The following NBEAL2 variants were observed in gnomAD, a reference collection of about 807,000 sequenced individuals.
NBEAL2 encodes the protein neurobeachin like 2, also known as neurobeachin-like protein 2.
Under a neutral mutation model 299.8 loss-of-function variants are expected in NBEAL2, and 160 were observed. The ratio of observed to expected loss-of-function variants is 0.53; its 90% CI spans 0.47 to 0.61. The LOEUF (loss-of-function observed/expected upper bound fraction) is 0.61. NBEAL2 is among the 20% of genes least tolerant of loss of function. The pLI is 0.00. For synonymous variants in NBEAL2, 1,493 were observed against 1,542.3 expected, an observed-to-expected ratio of 0.97 and a Z score of 0.75; for missense variants, 3,112 against 3,649.0, an observed-to-expected ratio of 0.85 and a Z score of 3.79.
Position 47,004,044 on chromosome 3 carries a change from AGT to A in NBEAL2, c.5882-31_5882-30del. The A allele has an allele frequency of 6.2e-7, 1 of 1,605,546 alleles. No individual in the cohort carries two copies. Among genetic ancestry groups the A allele is most frequent in the Middle Eastern group, 1.7e-4 (1 of 6,026 alleles). Reference sequence around the variant, plus strand: ...CTGAGCTCTGGGTGGGGCTGGGGTGAGTGACTCCCGTACCTGCTGTTCCTCCC... The same window carrying A: ...CTGAGCTCTGGGTGGGGCTGGGGTGAGACTCCCGTACCTGCTGTTCCTCCC... On this transcript the variant is annotated intron_variant, in intron 36 of 53. Transcript: ENST00000450053. This position sits in a 1 kb window ranked among gnomAD's most constrained non-coding sequence, Gnocchi z 5.0.
Position 47,000,398 on chromosome 3 carries a change from C to G in NBEAL2, c.4299C>G (p.Asn1433Lys). Residue 1433 changes from asparagine (N) to lysine (K), a missense_variant, in exon 27 of 54, where the codon AAC (asparagine) becomes AAG (lysine). By Grantham distance (94) the Asn-to-Lys change is moderately conservative. This residue lies in a region of NBEAL2 where 2,243 missense variants were observed against 2,538.1 expected (regional missense o/e 0.88). Coordinates refer to ENST00000450053, the MANE Select transcript of NBEAL2 (RefSeq NM_015175.3). The surrounding 1 kb of genome is among the most constrained non-coding windows in gnomAD (Gnocchi z 4.5). ...ISGDDTSNTSNPQQTSEEELC... is the reference protein window; with the variant it reads ...ISGDDTSNTSKPQQTSEEELC... ...GGGATGATACCTCGAACACCAGCAA[C>G]CCACAGGTGAGGTGGGCCCACCCTC... 6.4e-7 allele frequency: 1 copy of G among 1,569,136 alleles called. No homozygotes were observed. Among genetic ancestry groups the G allele is most frequent in the Non-Finnish European group, 8.7e-7 (1 of 1,154,644 alleles).
In NBEAL2 at chr3:47,005,331, A is replaced by T. The variant is rs764275015; in HGVS notation, c.6560+10A>T. On this transcript the variant is annotated intron_variant, in intron 40 of 53. Coordinates refer to ENST00000450053, the MANE Select transcript of NBEAL2 (RefSeq NM_015175.3). ...AGCTGCAAAGTGGCCGGTGCGGCCC[A>T]GGGGCTGGTGGGCAGACTAGGGGGC... 4.4e-6 allele frequency: 7 copies of T among 1,608,822 alleles called. No individual in the cohort carries two copies. The highest frequency in any genetic ancestry group is 5.1e-6 in the Non-Finnish European group (6 of 1,178,050).
At chr3:46,999,531 C>A in intron 25 of NBEAL2, 57 bp downstream of exon 25, 2 of 1,585,024 alleles carry the variant, frequency 1.3e-6, no homozygotes, top group Non-Finnish European at 1.7e-6. Context: ...ACAGGGCAGG[C>A]AGGCCGGAAG....
At position 46,979,838 on chromosome 3, in the gene NBEAL2, G is replaced by C; in HGVS notation, c.-24G>C. ...AGGAGGCGGCGACAGGTGGCGCGCA[G>C]CAGGGCCGGAGCCGGGCCGGGCCAT... is the stretch of plus-strand genomic sequence containing the variant. On this transcript the variant is annotated 5_prime_UTR_variant, in exon 1 of 54. Coordinates refer to ENST00000450053, the MANE Select transcript of NBEAL2 (RefSeq NM_015175.3). The C allele has an allele frequency of 2.3e-6, 1 of 428,126 alleles. No individual in the cohort carries two copies. Among genetic ancestry groups the C allele is most frequent in the Non-Finnish European group, 4.1e-6 (1 of 244,122 alleles). The allele number at this position is 428,126 out of a possible 1,614,324, so 26.5% of individuals were successfully genotyped here.
intron 14 of NBEAL2, 37 bp from the exon 15 acceptor site, chr3:46,995,895 G>C (rs1390289127): frequency 6.2e-7 from 1 of 1,613,226 alleles, no homozygotes; most frequent in Admixed American, 1.7e-5. Flanking sequence ...GGGGTGCTGA[G>C]TCCCAAGTAT....
intron 1 of NBEAL2, among the ~76,000 whole-genome samples, chr3:46,986,215 C>T (rs1314604886): frequency 6.6e-6 from 1 of 152,182 alleles, no homozygotes; most frequent in East Asian, 1.9e-4. Flanking sequence ...TGAAAGTTTA[C>T]AGGACTGGAC....
At position 47,005,335 on chromosome 3, in the gene NBEAL2, G is replaced by A. The variant is rs753840592; in HGVS notation, c.6560+14G>A. On this transcript the variant is annotated intron_variant, in intron 40 of 53. Coordinates refer to ENST00000450053, the MANE Select transcript of NBEAL2 (RefSeq NM_015175.3). ...GCAAAGTGGCCGGTGCGGCCCAGGG[G>A]CTGGTGGGCAGACTAGGGGGCAGAT... The A allele has an allele frequency of 6.2e-7, 1 of 1,607,882 alleles. No homozygotes were observed. The highest frequency in any genetic ancestry group is 8.5e-7 in the Non-Finnish European group (1 of 1,177,534).
At position 46,989,842 on chromosome 3, in the gene NBEAL2, C is replaced by A. The variant is rs564756041; in HGVS notation, c.556+249C>A. On this transcript the variant is annotated intron_variant, in intron 6 of 53. Coordinates refer to ENST00000450053, the MANE Select transcript of NBEAL2 (RefSeq NM_015175.3). This position sits in a 1 kb window ranked among gnomAD's most constrained non-coding sequence, Gnocchi z 5.5. ...CAGATTTCTCATCCTCTTTCCCCGC[C>A]ATCTCCTGGATCCTTCTAGCCACTT... Among the ~76,000 whole-genome samples, 1 of 152,252 alleles carries A rather than the reference C, an allele frequency of 6.6e-6. No homozygotes were observed. Among genetic ancestry groups the A allele is most frequent in the South Asian group, 2.1e-4 (1 of 4,826 alleles).
In NBEAL2 at chr3:46,997,357, G is replaced by A. The variant is rs199656094; in HGVS notation, c.2748G>A (p.Thr916=). ...AGGCTGAAGCAGGTCCAGCTGAAAC[G>A]CATGACCTCGTGGGTCCTGAACTGA... ...PKEAEAGPAE[T]HDLVGPELTS... Residue 916 remains threonine, a synonymous_variant, in exon 19 of 54, where the codon ACG becomes ACA. Transcript: ENST00000450053. The A allele has an allele frequency of 1.9e-5, 30 of 1,612,376 alleles. No individual in the cohort carries two copies. The highest frequency in any genetic ancestry group is 4.0e-5 in the African/African-American group (3 of 75,028).
chr3:46,994,781 A>G (rs944130490), intron 12 of NBEAL2, among the ~76,000 whole-genome samples: 3 of 152,222 alleles, frequency 2.0e-5, no homozygotes, highest in African/African-American at 7.2e-5. Flanking sequence ...TCTTAGGAAC[A>G]TGCAGTTAGG....
Position 46,995,422 on chromosome 3 carries a change from C to T in NBEAL2, c.1687C>T (p.Arg563Cys), listed in dbSNP as rs527658542. The change falls in exon 13 of 54, where the codon CGC becomes TGC. Residue 563 changes from arginine to cysteine, a missense_variant. Arg to Cys is a radical substitution (Grantham distance 180). Around this residue, in one of 3 missense-constraint regions of NBEAL2, gnomAD observed 2,243 missense variants for 2,538.1 expected, o/e 0.88. Transcript: ENST00000450053. ...GKARHAGAVI[R>C]TLSGMARHQG... ...GGCCCGACACGCAGGTGCTGTCATC[C>T]GCACATTATCAGGCATGGCCAGGCA... is the stretch of plus-strand genomic sequence containing the variant. 72 of 1,612,826 alleles carry T rather than the reference C, an allele frequency of 4.5e-5. No individual in the cohort carries two copies. Among genetic ancestry groups the T allele is most frequent in the South Asian group, 1.2e-4 (11 of 91,092 alleles).
rs917830607 is a variant in NBEAL2, at chr3:47,002,184, T to G, written c.5047T>G (p.Trp1683Gly). 3.9e-6 allele frequency: 6 copies of G among 1,527,166 alleles called. No individual in the cohort carries two copies. The highest frequency in any genetic ancestry group is 5.3e-6 in the Non-Finnish European group (6 of 1,132,686). 94.6% of individuals were successfully genotyped at this position (1,527,166 alleles called of 1,614,324 possible). Residue 1683 changes from tryptophan to glycine, a missense_variant, in exon 31 of 54, where the codon TGG becomes GGG. This residue lies in a region of NBEAL2 where 2,243 missense variants were observed against 2,538.1 expected (regional missense o/e 0.88). Transcript: ENST00000450053. ...DRAYEPLGLQ[W>G]GLPSLPPTNG... is the part of the protein sequence containing the mutation. ...TGCCTATGAGCCGCTGGGGCTGCAG[T>G]GGGGACTGCCCTCCCTGCCACCCAC...
At chr3:46,981,938 G>A (rs2035378275) in intron 1 of NBEAL2, 1 of 152,318 alleles carries the variant, frequency 6.6e-6, no homozygotes, top group African/African-American at 2.4e-5. Flanking sequence ...TCACCTCGCA[G>A]GGCAGGTATG....
At position 46,993,923 on chromosome 3, in the gene NBEAL2, C is replaced by T. The variant is rs775326150; in HGVS notation, c.1114-14C>T. 30 of 1,605,088 alleles carry T rather than the reference C, an allele frequency of 1.9e-5. No individual in the cohort carries two copies. The South Asian group carries it at 3.2e-4, about 17-fold the overall frequency. On this transcript the variant is annotated splice_polypyrimidine_tract_variant and intron_variant, in intron 10 of 53. Coordinates refer to ENST00000450053, the MANE Select transcript of NBEAL2 (RefSeq NM_015175.3). ...TGGCCCCTGCCTCTCCTGATGGCCCCTCCCCACCCCAAGGTCCTGGACCAA... is the reference window on the plus strand; with the variant it reads ...TGGCCCCTGCCTCTCCTGATGGCCCTTCCCCACCCCAAGGTCCTGGACCAA...
intron 41 of NBEAL2, 31 bp from the exon 42 acceptor site, chr3:47,005,707 G>A: frequency 1.2e-6 from 2 of 1,613,016 alleles, no homozygotes; most frequent in Non-Finnish European, 1.7e-6. Flanking sequence ...GGGATGGACA[G>A]GGAGACAGCT....
chr3:47,009,454 G>T lies in NBEAL2; in HGVS notation c.*134G>T. 1 of 837,784 alleles carries T rather than the reference G, an allele frequency of 1.2e-6. No individual in the cohort carries two copies. The highest frequency in any genetic ancestry group is 1.6e-5 in the South Asian group (1 of 62,976). The allele number at this position is 837,784 out of a possible 1,614,324, so 51.9% of individuals were successfully genotyped here. A position where few individuals can be genotyped will look rare whatever the true frequency, so the allele number is the denominator to read the frequency against. Reference sequence around the variant, plus strand: ...CGGGGCCCACCCTGCCCAGCTCAGGGATTGGCGGGCGATGTTACCCCCTCA... The same window carrying T: ...CGGGGCCCACCCTGCCCAGCTCAGGTATTGGCGGGCGATGTTACCCCCTCA... On this transcript the variant is annotated 3_prime_UTR_variant, in exon 54 of 54. Coordinates refer to ENST00000450053, the MANE Select transcript of NBEAL2 (RefSeq NM_015175.3).
Position 46,995,776 on chromosome 3 carries a change from T to A in NBEAL2, c.1961T>A (p.Val654Glu). 6.2e-7 allele frequency: 1 copy of A among 1,613,742 alleles called. No homozygotes were observed. The highest frequency in any genetic ancestry group is 8.5e-7 in the Non-Finnish European group (1 of 1,179,870). ...TTCACGGCGGCCGGGACCCTGGTGG[T>A]GGCTGTGTGCACACGGAAGGAGTAT... ...AFFTAAGTLV[V>E]AVCTRKEYLT... Residue 654 changes from valine (V) to glutamate (E), a missense_variant, in exon 14 of 54, where the codon GTG becomes GAG. By Grantham distance (121) the Val-to-Glu change is moderately radical. This residue lies in a region of NBEAL2 where 2,243 missense variants were observed against 2,538.1 expected (regional missense o/e 0.88). Coordinates refer to ENST00000450053, the MANE Select transcript of NBEAL2 (RefSeq NM_015175.3).
chr3:46,993,481 G>A (rs183513072), intron 10 of NBEAL2, among the ~76,000 whole-genome samples: 3 of 152,320 alleles, frequency 2.0e-5, no homozygotes, highest in Admixed American at 6.5e-5. Flanking sequence ...GGACTTAAAG[G>A]TCTCGAAGGT....
Position 47,003,383 on chromosome 3 carries a change from G to A in NBEAL2, c.5720+74G>A. On this transcript the variant is annotated intron_variant, in intron 35 of 53. Coordinates refer to ENST00000450053, the MANE Select transcript of NBEAL2 (RefSeq NM_015175.3). This position sits in a 1 kb window ranked among gnomAD's most constrained non-coding sequence, Gnocchi z 7.0. ...TGCTCCAGTGTGTGCATGCCTCTGT[G>A]GGATCAACTCCCTGAGTGTGTCCTC... The A allele has an allele frequency of 6.4e-7, 1 of 1,550,822 alleles. No individual in the cohort carries two copies. The highest frequency in any genetic ancestry group is 2.3e-4 in the Middle Eastern group (1 of 4,378).
Sources: allele counts gnomAD v4.1 joint callset (sites outside exome capture counted in the v4.1 genomes callset), GRCh38; gene constraint gnomAD v4.1.1; regional missense constraint gnomAD v4.1.1; non-coding constraint Gnocchi (gnomAD v3.1); transcripts MANE v1.5; gene names NCBI Gene and HGNC (gene_info 2026-07-23, HGNC 2026-07-21).